IMPG1: variants seen among roughly 807,000 people sequenced by gnomAD.
IMPG1 encodes interphotoreceptor matrix proteoglycan 1, also known as interphotoreceptor matrix proteoglycan of 150 kDa.
IMPG1 carries 85 observed loss-of-function variants against 92.0 expected under a neutral mutation model. The observed-to-expected ratio is 0.92, with a 90% CI of 0.78 to 1.11. The LOEUF is 1.11. Among genes scored for constraint, IMPG1 ranks in the 50% least tolerant of loss-of-function variants. The probability of loss-of-function intolerance (pLI) is 0.00; values close to 1 mark genes in which losing one functional copy is unlikely to be tolerated. For synonymous variants in IMPG1, 367 were observed against 334.1 expected, an observed-to-expected ratio of 1.10 and a Z score of -1.08; for missense variants, 1,022 against 956.0, an observed-to-expected ratio of 1.07 and a Z score of -0.91.
chr6:76,061,240 G>A (rs1582137368), intron 1 of IMPG1, among the ~76,000 whole-genome samples: 1 of 152,294 alleles, frequency 6.6e-6, no homozygotes, highest in Non-Finnish European at 1.5e-5. Context: ...TGCTGCCACA[G>A]ATTGTTCATT....
intron 12 of IMPG1, among the ~76,000 whole-genome samples, chr6:75,990,860 GC>G (rs1173415232): frequency 2.0e-5 from 3 of 152,060 alleles, no homozygotes; most frequent in Non-Finnish European, 4.4e-5. Context: ...TTCTATCCAT[GC>G]CCCCCAATCC....
At chr6:76,057,641 A>C (rs577031755) in intron 1 of IMPG1, among the ~76,000 whole-genome samples, 2 of 152,230 alleles carry the variant, frequency 1.3e-5, no homozygotes, top group South Asian at 4.2e-4. Flanking sequence ...GCATTTGCAC[A>C]TGCCTGGGGT....
intron 4 of IMPG1, 62 bp from the exon 5 acceptor site, chr6:76,025,320 C>T (rs1482597257): frequency 4.7e-5 from 42 of 888,480 alleles, no homozygotes; most frequent in Non-Finnish European, 7.4e-5. Context: ...CAGTAGAGAA[C>T]ATACATTTAA....
intron 1 of IMPG1, among the ~76,000 whole-genome samples, chr6:76,066,419 C>T (rs2765788): frequency 0.98 from 148,993 of 152,182 alleles, 72,986 homozygotes; most frequent in East Asian, 1. Flanking sequence ...GCTATAGTTA[C>T]ACAAAATAAA....
In IMPG1 at chr6:76,061,583, A is replaced by G. The variant is rs544839324; in HGVS notation, c.67+10839T>C. Among the ~76,000 whole-genome samples, 4 of 152,358 alleles carry G rather than the reference A, an allele frequency of 2.6e-5. No individual in the cohort carries two copies. The East Asian group carries it at 5.8e-4, about 22-fold the overall frequency. On this transcript the variant is annotated intron_variant, in intron 1 of 16. Transcript: ENST00000369950. ...TCACAGCTACTAAAATAATTATCCTATCTTGGTGAACTAATAATAACTTAG... is the reference window on the plus strand; with the variant it reads ...TCACAGCTACTAAAATAATTATCCTGTCTTGGTGAACTAATAATAACTTAG...
chr6:75,989,046 C>T (rs1276741083), intron 12 of IMPG1, among the ~76,000 whole-genome samples: 6 of 151,952 alleles, frequency 3.9e-5, no homozygotes, highest in Admixed American at 3.9e-4. Context: ...GGTCTTCTTC[C>T]TCCTTACCAC....
At chr6:75,951,593 T>G (rs1782032582) in intron 12 of IMPG1, among the ~76,000 whole-genome samples, 2 of 152,210 alleles carry the variant, frequency 1.3e-5, no homozygotes, top group Admixed American at 6.5e-5. Context: ...GCAATTGGAT[T>G]TTTTTGGTTA....
intron 2 of IMPG1, among the ~76,000 whole-genome samples, chr6:76,037,996 C>T (rs917645322): frequency 6.6e-6 from 1 of 152,200 alleles, no homozygotes; most frequent in Admixed American, 6.5e-5. Context: ...TTGAGCCTAG[C>T]TGCTCCCAGT....
At chr6:76,012,948 C>A (rs1783214876) in intron 7 of IMPG1, among the ~76,000 whole-genome samples, 2 of 152,190 alleles carry the variant, frequency 1.3e-5, no homozygotes, top group Non-Finnish European at 2.9e-5. Context: ...TCCCACCCCC[C>A]ACATGCAGCC....
At chr6:75,946,433 G>C (rs1467307629) in intron 14 of IMPG1, among the ~76,000 whole-genome samples, 2 of 152,174 alleles carry the variant, frequency 1.3e-5, no homozygotes, top group African/African-American at 4.8e-5. Context: ...CTAATTCATA[G>C]CCAATTAGGA....
intron 1 of IMPG1, 133 bp downstream of exon 1, chr6:76,072,289 A>G: frequency 2.0e-6 from 1 of 512,282 alleles, no homozygotes; most frequent in East Asian, 3.3e-5. Context: ...CAATCAATCA[A>G]GCAATATTTA....
intron 1 of IMPG1, among the ~76,000 whole-genome samples, chr6:76,071,938 T>A (rs1402227526): frequency 6.6e-6 from 1 of 152,144 alleles, no homozygotes; most frequent in Non-Finnish European, 1.5e-5. Flanking sequence ...GTTGTCATCA[T>A]GAACCCTGAA....
At chr6:75,963,229 A>G (rs1402012583) in intron 12 of IMPG1, among the ~76,000 whole-genome samples, 1 of 152,200 alleles carries the variant, frequency 6.6e-6, no homozygotes, top group East Asian at 1.9e-4. Context: ...CTCTTTACCT[A>G]CAATAATGGA....
At chr6:75,955,048 A>C (rs1048826802) in intron 12 of IMPG1, among the ~76,000 whole-genome samples, 5 of 152,192 alleles carry the variant, frequency 3.3e-5, no homozygotes, top group Non-Finnish European at 7.3e-5. Context: ...AGGTAGCATG[A>C]TGCTTCCAGC....
chr6:75,960,613 C>T (rs12193531), intron 12 of IMPG1, among the ~76,000 whole-genome samples: 36,242 of 152,120 alleles, frequency 0.24, 4,403 homozygotes, highest in Admixed American at 0.3. Flanking sequence ...ATTGAAGCTT[C>T]TAAGGTTATA....
chr6:76,039,042 G>A (rs1582123080), intron 2 of IMPG1, among the ~76,000 whole-genome samples: 1 of 152,224 alleles, frequency 6.6e-6, no homozygotes, highest in Non-Finnish European at 1.5e-5. Flanking sequence ...GCTGCCAGCT[G>A]TTCCCCTGAA....
intron 14 of IMPG1, among the ~76,000 whole-genome samples, chr6:75,943,738 G>T (rs1781875382): frequency 6.6e-6 from 1 of 152,162 alleles, no homozygotes; most frequent in Non-Finnish European, 1.5e-5. Flanking sequence ...AGCCTGGAGG[G>T]ACTAGAGTTC....
chr6:76,044,472 G>A (rs1329086516), intron 1 of IMPG1, among the ~76,000 whole-genome samples: 1 of 151,944 alleles, frequency 6.6e-6, no homozygotes, highest in Non-Finnish European at 1.5e-5. Flanking sequence ...TCCTGCTATC[G>A]GCCTGGTCCT....
chr6:76,033,466 A>C (rs1350246032), intron 4 of IMPG1, among the ~76,000 whole-genome samples: 2 of 152,210 alleles, frequency 1.3e-5, no homozygotes, highest in Non-Finnish European at 2.9e-5. Context: ...AATGTAATAA[A>C]AGGAATATTT....
Sources: gnomAD v4.1 joint callset for allele counts (sites outside exome capture counted in the v4.1 genomes callset) on GRCh38, gnomAD v4.1.1 for gene constraint, MANE v1.5 for transcripts, NCBI Gene and HGNC (gene_info 2026-07-23, HGNC 2026-07-21) for gene names.